ENO1: variants seen among roughly 807,000 people sequenced by gnomAD.
ENO1 encodes alpha-enolase.
ENO1 carries 33 observed loss-of-function variants against 46.3 expected under a neutral mutation model. The ratio of observed to expected loss-of-function variants is 0.71; its 90% CI spans 0.54 to 0.95. The LOEUF is 0.95. Ranked by LOEUF, ENO1 falls within the 40% of genes least tolerant of loss-of-function variation. ENO1 has a pLI of 0.00. For missense variants in ENO1, 488 were observed against 553.3 expected (o/e 0.88, Z 1.18); for synonymous variants, 220 against 216.0 (o/e 1.02, Z -0.16).
chr1:8,865,868 G>C (rs957279498), intron 7 of ENO1: 1 of 338,584 alleles, frequency 3.0e-6, no homozygotes, highest in East Asian at 8.0e-5. Context: ...AGGCAGCCCG[G>C]GATGGCAGGA....
intron 3 of ENO1, 127 bp downstream of exon 3, chr1:8,871,764 G>A: frequency 7.9e-7 from 1 of 1,271,968 alleles, no homozygotes. Flanking sequence ...TCAACATCAT[G>A]GGTCACAGCA....
chr1:8,865,236 G>A (rs1642484605), intron 8 of ENO1, 49 bp downstream of exon 8: 3 of 1,602,058 alleles, frequency 1.9e-6, no homozygotes, highest in African/African-American at 2.7e-5. Flanking sequence ...CAGCTGCCCT[G>A]CTGCAGGTCA....
chr1:8,867,322 T>C (rs1569905228), intron 5 of ENO1, 72 bp from the exon 6 acceptor site: 3 of 1,587,100 alleles, frequency 1.9e-6, no homozygotes, highest in Non-Finnish European at 2.6e-6. Context: ...TGTACTGCCC[T>C]GAGGGTTGTA....
intron 7 of ENO1, chr1:8,865,987 G>C: frequency 5.5e-6 from 2 of 362,612 alleles, no homozygotes; most frequent in Non-Finnish European, 1.0e-5. Context: ...CCCCAAACTA[G>C]TAGGTATCAC....
In ENO1 at chr1:8,865,440, G is replaced by A. The variant is rs148752848; in HGVS notation, c.710C>T (p.Thr237Ile). The A allele has an allele frequency of 1.2e-6, 2 of 1,613,726 alleles. No homozygotes were observed. The highest frequency in any genetic ancestry group is 2.7e-5 in the African/African-American group (2 of 75,024). Reference sequence around the variant, plus strand: ...GTCCATGCCGATGACCACCTTATCAGTGTAGCCAGCTTTCCCAATAGCAGT... The same window carrying A: ...GTCCATGCCGATGACCACCTTATCAATGTAGCCAGCTTTCCCAATAGCAGT... Reference protein sequence around the residue: ...LKTAIGKAGYTDKVVIGMDVA... With the variant: ...LKTAIGKAGYIDKVVIGMDVA... The change falls in exon 8 of 12, where the codon ACT (threonine) becomes ATT (isoleucine). Residue 237 changes from threonine to isoleucine, a missense_variant. Transcript: ENST00000234590.
chr1:8,871,859 G>A, intron 3 of ENO1, 32 bp downstream of exon 3: 1 of 1,605,052 alleles, frequency 6.2e-7, no homozygotes, highest in Non-Finnish European at 8.5e-7. Flanking sequence ...CTGGAAGCAG[G>A]GAGGCCATGG....
chr1:8,862,876 G>A lies in ENO1; in HGVS notation c.1235+11C>T. 1.2e-6 allele frequency: 2 copies of A among 1,613,554 alleles called. No homozygotes were observed. Among genetic ancestry groups the A allele is most frequent in the South Asian group, 1.1e-5 (1 of 91,030 alleles). ...AACCACAGGCCCCTTGTTCTCAGGA[G>A]CCCTCCTTACCTGAGGAGCTGGTTG... On this transcript the variant is annotated intron_variant, in intron 11 of 11. Transcript: ENST00000234590.
At chr1:8,861,455 T>C (rs1278745627) in intron 11 of ENO1, 26 bp from the exon 12 acceptor site, 4 of 1,613,422 alleles carry the variant, frequency 2.5e-6, no homozygotes, top group Non-Finnish European at 3.4e-6. Context: ...GGTAAAGAGA[T>C]GGGGAGGAAA....
Position 8,863,316 on chromosome 1 carries a change from C to G in ENO1, c.1095G>C (p.Trp365Cys). 1 of 1,614,010 alleles carries G rather than the reference C, an allele frequency of 6.2e-7. No individual in the cohort carries two copies. Among genetic ancestry groups the G allele is most frequent in the Non-Finnish European group, 8.5e-7 (1 of 1,179,932 alleles). ...CCGAACGATGAGACACCATGACGCC[C>G]CAACCATTGGCCTGGGCCAGCTTGC... ...QACKLAQANG[W>C]GVMVSHRSGE... The change falls in exon 10 of 12, where the codon TGG becomes TGC. Residue 365 changes from tryptophan (W) to cysteine (C), a missense_variant. Trp to Cys is a radical substitution (Grantham distance 215). Coordinates refer to ENST00000234590, the MANE Select transcript of ENO1 (RefSeq NM_001428.5).
At chr1:8,874,798 A>C (rs758905947) in intron 2 of ENO1, 26 bp downstream of exon 2, 1 of 1,600,094 alleles carries the variant, frequency 6.2e-7, no homozygotes, top group East Asian at 2.2e-5. Context: ...GGAAGGAACC[A>C]TGGAAACCAA....
rs1176993978 is a variant in ENO1 at position 8,863,920 on chromosome 1, C to G, written c.1038G>C (p.Gln346His). 1 of 1,613,992 alleles carries G rather than the reference C, an allele frequency of 6.2e-7. No individual in the cohort carries two copies. The highest frequency in any genetic ancestry group is 2.2e-5 in the East Asian group (1 of 44,872). ...GAAGAGACTCGGTCACGGAGCCAAT[C>G]TGGTTGACTTTGAGCAGGAGGCAGT... ...SCNCLLLKVN[Q>H]IGSVTESLQA... Residue 346 changes from glutamine to histidine, a missense_variant, in exon 9 of 12, where the codon CAG (glutamine) becomes CAC (histidine). Coordinates refer to ENST00000234590, the MANE Select transcript of ENO1 (RefSeq NM_001428.5).
At chr1:8,864,370 A>G (rs1360639335) in intron 8 of ENO1, among the ~76,000 whole-genome samples, 1 of 152,220 alleles carries the variant, frequency 6.6e-6, no homozygotes, top group African/African-American at 2.4e-5. Flanking sequence ...GTGCAATCAT[A>G]GCTAAGTGCA....
At chr1:8,875,629 T>G (rs965574932) in intron 1 of ENO1, among the ~76,000 whole-genome samples, 3 of 152,206 alleles carry the variant, frequency 2.0e-5, no homozygotes, top group African/African-American at 7.2e-5. Context: ...TTAGTAGGTA[T>G]TTGATCAGAA....
intron 5 of ENO1, among the ~76,000 whole-genome samples, chr1:8,867,535 C>T (rs924840415): frequency 6.7e-6 from 1 of 149,564 alleles, no homozygotes; most frequent in Non-Finnish European, 1.5e-5. Context: ...TGGTTTTGCA[C>T]CTGATATTCA....
At chr1:8,863,763 A>T in intron 9 of ENO1, 128 bp downstream of exon 9, 1 of 1,116,382 alleles carries the variant, frequency 9.0e-7, no homozygotes, top group Non-Finnish European at 1.3e-6. Context: ...TCAAACACAA[A>T]ACCTGTTAAA....
chr1:8,870,319 CT>C, intron 4 of ENO1, 132 bp downstream of exon 4: 3 of 1,153,664 alleles, frequency 2.6e-6, no homozygotes, highest in Non-Finnish European at 3.7e-6. Context: ...ATGGATTGTT[CT>C]CGTGCGTGAC....
At chr1:8,871,801 G>T (rs558445347) in intron 3 of ENO1, 90 bp downstream of exon 3, 35 of 1,425,692 alleles carry the variant, frequency 2.5e-5, no homozygotes, top group Admixed American at 3.7e-5. Flanking sequence ...ACCTGCAAGT[G>T]CAAGTGCCAC....
In ENO1 at chr1:8,874,867, A is replaced by G. The variant is rs1375322411; in HGVS notation, c.42T>C (p.Ser14=). The change falls in exon 2 of 12, where the codon TCT becomes TCC. Residue 14 remains serine, a synonymous_variant. Transcript: ENST00000234590. ...CAACCTCAACAGTGGGATTCCCGCG[A>G]GAGTCAAAGATCTCCCTGGCATGGA... ...LKIHAREIFD[S]RGNPTVEVDL... The G allele has an allele frequency of 6.2e-7, 1 of 1,613,906 alleles. No homozygotes were observed.
At chr1:8,863,081 A>C in intron 10 of ENO1, 136 bp from the exon 11 acceptor site, 5 of 1,348,338 alleles carry the variant, frequency 3.7e-6, no homozygotes, top group Non-Finnish European at 5.1e-6. Context: ...ACATACAGGC[A>C]GGGCGCTCAT....
Sources: gnomAD v4.1 joint callset for allele counts (sites outside exome capture counted in the v4.1 genomes callset) on GRCh38, gnomAD v4.1.1 for gene constraint, MANE v1.5 for transcripts, NCBI Gene and HGNC (gene_info 2026-07-23, HGNC 2026-07-21) for gene names.